Variants in B3GNT2 observed in about 807,000 individuals in gnomAD.
B3GNT2 encodes UDP-GlcNAc:betaGal beta-1,3-N-acetylglucosaminyltransferase 2.
B3GNT2 carries 12 observed loss-of-function variants against 27.6 expected under a neutral mutation model. The ratio of observed to expected loss-of-function variants is 0.44; its 90% CI spans 0.28 to 0.71. The LOEUF (loss-of-function observed/expected upper bound fraction) is 0.71. Ranked by LOEUF, B3GNT2 falls within the 30% of genes least tolerant of loss-of-function variation. The probability of loss-of-function intolerance (pLI) is 0.17; values close to 1 mark genes in which losing one functional copy is unlikely to be tolerated. For missense variants in B3GNT2, 413 were observed against 488.5 expected (o/e 0.85, Z 1.46); for synonymous variants, 192 against 189.7 (o/e 1.01, Z -0.10).
In B3GNT2 at chr2:62,222,889, G is replaced by A. The variant is rs771878645; in HGVS notation, c.669G>A (p.Lys223=). The change falls in exon 2 of 2, where the codon AAG becomes AAA. Residue 223 remains lysine, a synonymous_variant. Transcript: ENST00000301998. This position sits in a 1 kb window ranked among gnomAD's most constrained non-coding sequence, Gnocchi z 4.2. ...ACACTTTCTTCAACTTGTCTCTGAA[G>A]GAAGTGCTGTTTCTCAGGTGGGTAA... is the stretch of plus-strand genomic sequence containing the variant. The part of the protein sequence containing the change: ...YRDTFFNLSL[K]EVLFLRWVST... 8 of 1,614,072 alleles carry A rather than the reference G, an allele frequency of 5.0e-6. No individual in the cohort carries two copies. The South Asian group carries it at 7.7e-5, about 16-fold the overall frequency.
chr2:62,220,315 C>T (rs912249521), intron 1 of B3GNT2, among the ~76,000 whole-genome samples: 1 of 152,236 alleles, frequency 6.6e-6, no homozygotes, highest in African/African-American at 2.4e-5. Context: ...AGATTTCTTA[C>T]TGTCCATAAT....
intron 1 of B3GNT2, among the ~76,000 whole-genome samples, chr2:62,210,210 A>G (rs537029649): frequency 1.3e-5 from 2 of 152,318 alleles, no homozygotes; most frequent in African/African-American, 2.4e-5. Context: ...CTCCTCGAGC[A>G]ACGGTATTGT....
intron 1 of B3GNT2, among the ~76,000 whole-genome samples, chr2:62,212,385 C>T (rs946727642): frequency 6.6e-6 from 1 of 152,118 alleles, no homozygotes; most frequent in African/African-American, 2.4e-5. Context: ...GTGTGTACCC[C>T]AAGCCCCCCT....
rs78968142 is a variant in B3GNT2 at position 62,222,628 on chromosome 2, T to G, written c.408T>G (p.Asp136Glu). 2.1e-3 allele frequency: 3,457 copies of G among 1,614,196 alleles called. 57 individuals are homozygous for G. In the African/African-American group the frequency reaches 0.039, roughly 18 times the overall value. Residue 136 changes from aspartate to glutamate, a missense_variant, in exon 2 of 2, where the codon GAT becomes GAG. Transcript: ENST00000301998. The surrounding 1 kb of genome is among the most constrained non-coding windows in gnomAD (Gnocchi z 4.2). ...ATTCACTGCTTATAGATCAGCCGGATAAGTGTGCAAAGAAACCTTTCTTGT... is the reference window on the plus strand; with the variant it reads ...ATTCACTGCTTATAGATCAGCCGGAGAAGTGTGCAAAGAAACCTTTCTTGT... Reference protein sequence around the residue: ...RNYSLLIDQPDKCAKKPFLLL... With the variant: ...RNYSLLIDQPEKCAKKPFLLL...
chr2:62,198,316 G>C (rs1338751784), intron 1 of B3GNT2, among the ~76,000 whole-genome samples: 2 of 152,194 alleles, frequency 1.3e-5, no homozygotes, highest in Admixed American at 1.3e-4. Flanking sequence ...TTTTGGGGAT[G>C]GTGGTGTTTG....
chr2:62,196,315 C>T lies in B3GNT2; in HGVS notation c.-50C>T, dbSNP rs920948619. 5 of 152,302 alleles carry T rather than the reference C, an allele frequency of 3.3e-5. No homozygotes were observed. Among genetic ancestry groups the T allele is most frequent in the African/African-American group, 1.2e-4 (5 of 41,448 alleles). 9.4% of individuals were successfully genotyped at this position (152,302 alleles called of 1,614,324 possible). On this transcript the variant is annotated 5_prime_UTR_variant, in exon 1 of 2. Coordinates refer to ENST00000301998, the MANE Select transcript of B3GNT2 (RefSeq NM_006577.6). ...GTGGATGTGGCCGCGATCTCCCGCC[C>T]TTGCCCCCGCCCCGCCGAGCTGGAG... is the stretch of plus-strand genomic sequence containing the variant.
chr2:62,206,886 C>A (rs879464208), intron 1 of B3GNT2, among the ~76,000 whole-genome samples: 1 of 152,212 alleles, frequency 6.6e-6, no homozygotes, highest in African/African-American at 2.4e-5. Context: ...TTCGCTGTAA[C>A]CAAGAGCATA....
At chr2:62,197,476 T>C (rs1674176705) in intron 1 of B3GNT2, among the ~76,000 whole-genome samples, 1 of 152,166 alleles carries the variant, frequency 6.6e-6, no homozygotes, top group Non-Finnish European at 1.5e-5. Flanking sequence ...GTGGTTAGTT[T>C]GTAGAGTGGG....
chr2:62,208,514 G>T (rs928598897), intron 1 of B3GNT2, among the ~76,000 whole-genome samples: 2 of 152,086 alleles, frequency 1.3e-5, no homozygotes, highest in Non-Finnish European at 1.5e-5. Flanking sequence ...ATGACACCAC[G>T]TAATTGTGTC....
At chr2:62,197,307 TCGGGGCTGGGGAG>T (rs946157666) in intron 1 of B3GNT2, among the ~76,000 whole-genome samples, 1 of 152,180 alleles carries the variant, frequency 6.6e-6, no homozygotes, top group African/African-American at 2.4e-5. Flanking sequence ...TATTTGAAAC[TCGGGGCTGGGGAG>T]CCGCAGAACT....
chr2:62,216,229 G>C (rs1315363953), intron 1 of B3GNT2, among the ~76,000 whole-genome samples: 1 of 152,104 alleles, frequency 6.6e-6, no homozygotes, highest in Non-Finnish European at 1.5e-5. Context: ...TAGTGTCCAT[G>C]AGTGAAACGT....
At chr2:62,212,636 T>TG (rs1212049380) in intron 1 of B3GNT2, among the ~76,000 whole-genome samples, 2 of 151,610 alleles carry the variant, frequency 1.3e-5, no homozygotes, top group African/African-American at 2.4e-5. Context: ...TTGGTGACTG[T>TG]GGGGGATCTC....
At position 62,222,949 on chromosome 2, in the gene B3GNT2, G is replaced by C. The variant is rs1234485810; in HGVS notation, c.729G>C (p.Lys243Asn). ...GCCCAGACACTGAGTTTGTTTTCAA[G>C]GGCGATGACGATGTTTTTGTGAACA... ...TSCPDTEFVF[K>N]GDDDVFVNTH... The change falls in exon 2 of 2, where the codon AAG (lysine) becomes AAC (asparagine). Residue 243 changes from lysine (K) to asparagine (N), a missense_variant. Lys to Asn is a moderately conservative substitution (Grantham distance 94, BLOSUM62 0). Coordinates refer to ENST00000301998, the MANE Select transcript of B3GNT2 (RefSeq NM_006577.6). This position sits in a 1 kb window ranked among gnomAD's most constrained non-coding sequence, Gnocchi z 4.2. The C allele has an allele frequency of 1.2e-6, 2 of 1,613,794 alleles. No homozygotes were observed. The highest frequency in any genetic ancestry group is 1.7e-5 in the Admixed American group (1 of 59,994).
At chr2:62,204,474 G>T (rs1451449048) in intron 1 of B3GNT2, among the ~76,000 whole-genome samples, 1 of 152,200 alleles carries the variant, frequency 6.6e-6, no homozygotes, top group African/African-American at 2.4e-5. Flanking sequence ...GAAGCCGAAT[G>T]ATATTTTCAG....
At chr2:62,213,703 T>A (rs1674520698) in intron 1 of B3GNT2, among the ~76,000 whole-genome samples, 1 of 152,198 alleles carries the variant, frequency 6.6e-6, no homozygotes, top group South Asian at 2.1e-4. Context: ...TTATCTCCCC[T>A]AAGTCTAGCA....
intron 1 of B3GNT2, among the ~76,000 whole-genome samples, chr2:62,219,658 GC>G (rs1271747230): frequency 6.6e-6 from 1 of 152,154 alleles, no homozygotes; most frequent in Admixed American, 6.5e-5. Context: ...ACTAGGAAGG[GC>G]CTGAGACCTA....
intron 1 of B3GNT2, among the ~76,000 whole-genome samples, chr2:62,208,513 C>T (rs897889119): frequency 5.3e-5 from 8 of 151,970 alleles, no homozygotes; most frequent in African/African-American, 1.5e-4. Flanking sequence ...GATGACACCA[C>T]GTAATTGTGT....
chr2:62,220,687 G>A (rs975164937), intron 1 of B3GNT2, among the ~76,000 whole-genome samples: 3 of 152,136 alleles, frequency 2.0e-5, no homozygotes, highest in Admixed American at 6.5e-5. Context: ...ACCTCCTCAG[G>A]TATAAAATGG....
In B3GNT2 at chr2:62,223,256, G is replaced by T. The variant is rs145883014; in HGVS notation, c.1036G>T (p.Val346Phe). Residue 346 changes from valine to phenylalanine, a missense_variant, in exon 2 of 2, where the codon GTT (valine) becomes TTT (phenylalanine). Physicochemically the swap from Val to Phe is conservative, Grantham distance 50. Coordinates refer to ENST00000301998, the MANE Select transcript of B3GNT2 (RefSeq NM_006577.6). Reference protein sequence around the residue: ...TGMCLQKLGLVPEKHKGFRTF... With the variant: ...TGMCLQKLGLFPEKHKGFRTF... ...AATGTGCCTTCAGAAACTCGGCCTC[G>T]TTCCAGAGAAACACAAAGGCTTCAG... is the stretch of plus-strand genomic sequence containing the variant. 2 of 1,614,112 alleles carry T rather than the reference G, an allele frequency of 1.2e-6. No individual in the cohort carries two copies. Among genetic ancestry groups the T allele is most frequent in the Non-Finnish European group, 1.7e-6 (2 of 1,180,018 alleles).
Sources: allele counts gnomAD v4.1 joint callset (sites outside exome capture counted in the v4.1 genomes callset), GRCh38; gene constraint gnomAD v4.1.1; non-coding constraint Gnocchi (gnomAD v3.1); transcripts MANE v1.5; gene names NCBI Gene and HGNC (gene_info 2026-07-23, HGNC 2026-07-21).